Variants in ST8SIA6 observed in about 807,000 individuals in gnomAD.
The protein encoded by ST8SIA6 is alpha-2,8-sialyltransferase 8F.
A neutral mutation model predicts 33.6 loss-of-function variants in ST8SIA6; 39 were observed. That is an observed-to-expected ratio of 1.16 (90% CI 0.90 to 1.52). The LOEUF (loss-of-function observed/expected upper bound fraction) is 1.52, where lower values mean the gene tolerates loss of function less well. Among genes scored for constraint, ST8SIA6 ranks in the 40% most tolerant of loss-of-function variants. The probability of loss-of-function intolerance (pLI) is 0.00; values close to 1 mark genes in which losing one functional copy is unlikely to be tolerated. For synonymous variants in ST8SIA6, 172 were observed against 167.2 expected, an observed-to-expected ratio of 1.03 and a Z score of -0.22; for missense variants, 441 against 443.8, an observed-to-expected ratio of 0.99 and a Z score of 0.06.
Position 17,387,452 on chromosome 10 carries a change from G to A in ST8SIA6, c.290+3079C>T, listed in dbSNP as rs539176410. Among the ~76,000 whole-genome samples the A allele has an allele frequency of 1.9e-3, 263 of 141,906 alleles. 5 individuals carry two copies. The highest frequency in any genetic ancestry group is 6.1e-3 in the African/African-American group (238 of 39,096). The allele number at this position is 141,906 out of a possible 152,430, so 93.1% of individuals were successfully genotyped here. Reference sequence around the variant, plus strand: ...TTTTAGTCGGGGCGGTGGGGCGGGGGGGGGGGGGTTCTCCATGTTGGTCTG... The same window carrying A: ...TTTTAGTCGGGGCGGTGGGGCGGGGAGGGGGGGGTTCTCCATGTTGGTCTG... On this transcript the variant is annotated intron_variant, in intron 3 of 7. Transcript: ENST00000377602.
chr10:17,454,323 G>C lies in ST8SIA6; in HGVS notation c.-68C>G, dbSNP rs1853040391. On this transcript the variant is annotated 5_prime_UTR_variant, in exon 1 of 8. Transcript: ENST00000377602. This position sits in a 1 kb window ranked among gnomAD's most constrained non-coding sequence, Gnocchi z 4.1. ...AGCACAGCCCGGGCGGCCCCGACTCGCGGCTCCCGCCGCCGCCGCCACCGC... is the reference window on the plus strand; with the variant it reads ...AGCACAGCCCGGGCGGCCCCGACTCCCGGCTCCCGCCGCCGCCGCCACCGC... 5.9e-6 allele frequency: 1 copy of C among 170,080 alleles called. No individual in the cohort carries two copies. Among genetic ancestry groups the C allele is most frequent in the Non-Finnish European group, 1.2e-5 (1 of 81,222 alleles). The allele number at this position is 170,080 out of a possible 1,614,324, so 10.5% of individuals were successfully genotyped here. A position where few individuals can be genotyped will look rare whatever the true frequency, so the allele number is the denominator to read the frequency against.
intron 2 of ST8SIA6, among the ~76,000 whole-genome samples, chr10:17,418,137 C>T (rs574010881): frequency 6.6e-6 from 1 of 152,330 alleles, no homozygotes; most frequent in South Asian, 2.1e-4. Context: ...AAGCTCACTG[C>T]AGCCTGGAGC....
chr10:17,390,649 A>G, intron 2 of ST8SIA6, 29 bp from the exon 3 acceptor site: 4 of 1,567,842 alleles, frequency 2.6e-6, no homozygotes, highest in Middle Eastern at 1.7e-4. Context: ...TTTTAAAAAG[A>G]TTGATTTAAA....
chr10:17,445,093 G>A (rs1852657611), intron 2 of ST8SIA6, among the ~76,000 whole-genome samples: 1 of 151,426 alleles, frequency 6.6e-6, no homozygotes, highest in African/African-American at 2.4e-5. Flanking sequence ...TGGTAAAAGG[G>A]TAAAAATCAA....
intron 3 of ST8SIA6, among the ~76,000 whole-genome samples, chr10:17,365,439 C>G (rs1849528403): frequency 6.6e-6 from 1 of 152,096 alleles, no homozygotes; most frequent in South Asian, 2.1e-4. Flanking sequence ...GAACCACAGT[C>G]CAAAAATATT....
chr10:17,436,451 C>T lies in ST8SIA6; in HGVS notation c.200+17108G>A, dbSNP rs1314737227. Among the ~76,000 whole-genome samples, 8 of 151,942 alleles carry T rather than the reference C, an allele frequency of 5.3e-5. No homozygotes were observed. In the South Asian group the frequency reaches 8.3e-4, roughly 16 times the overall value. ...GTTTGTTACATATGTATACATGTGCCATGTTGGTGTGCTGCACCCATTAAC... is the reference window on the plus strand; with the variant it reads ...GTTTGTTACATATGTATACATGTGCTATGTTGGTGTGCTGCACCCATTAAC... On this transcript the variant is annotated intron_variant, in intron 2 of 7. Coordinates refer to ENST00000377602, the MANE Select transcript of ST8SIA6 (RefSeq NM_001004470.3).
chr10:17,354,683 A>G (rs527739341), intron 4 of ST8SIA6, among the ~76,000 whole-genome samples: 3 of 152,284 alleles, frequency 2.0e-5, no homozygotes, highest in Non-Finnish European at 2.9e-5. Flanking sequence ...GCTTGGGATA[A>G]CCATGCCATC....
intron 2 of ST8SIA6, among the ~76,000 whole-genome samples, chr10:17,439,532 G>A (rs1022608009): frequency 2.6e-5 from 4 of 152,120 alleles, no homozygotes; most frequent in African/African-American, 9.7e-5. Context: ...CACCCGCCTC[G>A]GCCTCAGCAA....
At chr10:17,410,982 C>T (rs1231001414) in intron 2 of ST8SIA6, among the ~76,000 whole-genome samples, 1 of 152,068 alleles carries the variant, frequency 6.6e-6, no homozygotes, top group Non-Finnish European at 1.5e-5. Context: ...TCCCAAGGGA[C>T]CTATCAATCA....
At chr10:17,421,461 A>C (rs2131708024) in intron 2 of ST8SIA6, among the ~76,000 whole-genome samples, 1 of 152,364 alleles carries the variant, frequency 6.6e-6, no homozygotes, top group Admixed American at 6.5e-5. Context: ...TGTGCTTCTA[A>C]CAGGCATGCA....
At chr10:17,432,000 C>T (rs999804872) in intron 2 of ST8SIA6, among the ~76,000 whole-genome samples, 1 of 151,398 alleles carries the variant, frequency 6.6e-6, no homozygotes, top group Non-Finnish European at 1.5e-5. Context: ...GAGAGACAGC[C>T]GGAAGCCGGA....
chr10:17,442,344 AG>A, intron 2 of ST8SIA6, among the ~76,000 whole-genome samples: 1 of 152,352 alleles, frequency 6.6e-6, no homozygotes, highest in South Asian at 2.1e-4. Context: ...ATATGTGAGT[AG>A]TGATATACGA....
chr10:17,328,967 C>G (rs1226097828), intron 5 of ST8SIA6, among the ~76,000 whole-genome samples: 1 of 152,062 alleles, frequency 6.6e-6, no homozygotes, highest in South Asian at 2.1e-4. Flanking sequence ...CAAGGCACAT[C>G]GCCCTTGTCA....
intron 2 of ST8SIA6, among the ~76,000 whole-genome samples, chr10:17,419,510 A>G (rs958928784): frequency 4.6e-5 from 7 of 151,806 alleles, no homozygotes; most frequent in African/African-American, 1.5e-4. Flanking sequence ...AGCCTGGGCA[A>G]CAGGGCAAGA....
At chr10:17,377,356 C>T (rs1443337222) in intron 3 of ST8SIA6, among the ~76,000 whole-genome samples, 1 of 152,128 alleles carries the variant, frequency 6.6e-6, no homozygotes, top group African/African-American at 2.4e-5. Flanking sequence ...CTTTATTGTT[C>T]ACACAAAGCC....
chr10:17,360,775 A>T (rs1849355385), intron 3 of ST8SIA6, among the ~76,000 whole-genome samples: 1 of 152,086 alleles, frequency 6.6e-6, no homozygotes. Flanking sequence ...AGGTAAATAG[A>T]GAACAAACAG....
At chr10:17,363,223 C>T (rs184462582) in intron 3 of ST8SIA6, among the ~76,000 whole-genome samples, 9 of 152,208 alleles carry the variant, frequency 5.9e-5, no homozygotes, top group Admixed American at 3.9e-4. Context: ...AGCTCAATAG[C>T]TCATTAGTCA....
At chr10:17,361,582 C>G (rs939780179) in intron 3 of ST8SIA6, among the ~76,000 whole-genome samples, 1 of 150,278 alleles carries the variant, frequency 6.7e-6, no homozygotes, top group Non-Finnish European at 1.5e-5. Context: ...AGAATTTTAT[C>G]AAACATTTAA....
Position 17,390,416 on chromosome 10 carries a change from G to A in ST8SIA6, c.290+115C>T. The A allele has an allele frequency of 3.5e-6, 3 of 865,040 alleles. No individual in the cohort carries two copies. In the South Asian group the frequency reaches 5.8e-5, roughly 17 times the overall value. 53.6% of individuals were successfully genotyped at this position (865,040 alleles called of 1,614,324 possible). ...TTAACAGGAGCTTCAGAGCCCAATG[G>A]TAAGCCTGAGAGTGAACAGTCTCAT... is the stretch of plus-strand genomic sequence containing the variant. On this transcript the variant is annotated intron_variant, in intron 3 of 7. Transcript: ENST00000377602.
Sources: allele counts gnomAD v4.1 joint callset (sites outside exome capture counted in the v4.1 genomes callset), GRCh38; gene constraint gnomAD v4.1.1; non-coding constraint Gnocchi (gnomAD v3.1); transcripts MANE v1.5; gene names NCBI Gene and HGNC (gene_info 2026-07-23, HGNC 2026-07-21).